CEP76: variants seen among roughly 807,000 people sequenced by gnomAD.
CEP76 encodes the protein centrosomal protein 76, also known as centrosomal protein of 76 kDa.
A neutral mutation model predicts 83.3 loss-of-function variants in CEP76; 55 were observed. The ratio of observed to expected loss-of-function variants is 0.66; its 90% CI spans 0.53 to 0.83. The LOEUF (loss-of-function observed/expected upper bound fraction) is 0.83, where lower values mean the gene tolerates loss of function less well. CEP76 is among the 40% of genes least tolerant of loss of function. The pLI, the probability that CEP76 is intolerant of heterozygous loss-of-function variation, is 0.00. For missense variants in CEP76, 694 were observed against 799.5 expected, an observed-to-expected ratio of 0.87 and a Z score of 1.59; for synonymous variants, 270 against 274.5, an observed-to-expected ratio of 0.98 and a Z score of 0.16.
chr18:12,678,071 A>G, intron 10 of CEP76, 38 bp downstream of exon 10: 1 of 1,516,676 alleles, frequency 6.6e-7, no homozygotes, highest in Non-Finnish European at 9.1e-7. Context: ...CATAAATGAA[A>G]AGAAGTATGA....
intron 12 of CEP76, chr18:12,664,954 C>T (rs2038775007): frequency 6.6e-6 from 1 of 152,184 alleles, no homozygotes; most frequent in Non-Finnish European, 1.5e-5. Flanking sequence ...CCACCTCAGC[C>T]TCCCAGAGTG....
rs563059756 is a variant in CEP76 at position 12,680,700 on chromosome 18, A to T, written c.1251T>A (p.Asp417Glu). 4 of 1,613,268 alleles carry T rather than the reference A, an allele frequency of 2.5e-6. No homozygotes were observed. In the East Asian group the frequency reaches 8.9e-5, roughly 36 times the overall value. ...AACTCTCCCAAAAAGTGATGGCCCC[A>T]TCAGTTCCACAAGTCATAACCCATG... ...PHAWVMTCGT[D>E]GAITFWESLT... Residue 417 changes from aspartate (D) to glutamate (E), a missense_variant, in exon 9 of 12, where the codon GAT becomes GAA. Coordinates refer to ENST00000262127, the MANE Select transcript of CEP76 (RefSeq NM_024899.4).
intron 12 of CEP76, among the ~76,000 whole-genome samples, chr18:12,662,504 G>T (rs1240382399): frequency 6.6e-6 from 1 of 152,230 alleles, no homozygotes; most frequent in African/African-American, 2.4e-5. Context: ...GCCCGGCCAT[G>T]GGGGCTCACA....
At chr18:12,672,174 G>A (rs1260213023), downstream of CEP76, among the ~76,000 whole-genome samples, 1 of 150,168 alleles carries the variant, frequency 6.7e-6, no homozygotes, top group Non-Finnish European at 1.5e-5. Flanking sequence ...GAGTGCAGTG[G>A]CGCGATCTCA....
chr18:12,701,099 A>G lies in CEP76; in HGVS notation c.78T>C (p.Gly26=). ...TCTCAGCAAGGATTTCTCTTATTCTACCATGGACATCCATCTATGTAGAAA... is the reference window on the plus strand; with the variant it reads ...TCTCAGCAAGGATTTCTCTTATTCTGCCATGGACATCCATCTATGTAGAAA... ...HQQLSKMDVH[G]RIREILAETI... The change falls in exon 2 of 12, where the codon GGT becomes GGC. Residue 26 remains glycine (G), a synonymous_variant. Transcript: ENST00000262127. The G allele has an allele frequency of 6.2e-7, 1 of 1,612,062 alleles. No individual in the cohort carries two copies. Among genetic ancestry groups the G allele is most frequent in the South Asian group, 1.1e-5 (1 of 90,676 alleles).
At chr18:12,670,179 A>C (rs1035076358), downstream of CEP76, among the ~76,000 whole-genome samples, 1 of 151,296 alleles carries the variant, frequency 6.6e-6, no homozygotes, top group South Asian at 2.1e-4. Flanking sequence ...AATACAAAAA[A>C]ATTAGCTGGG....
intron 10 of CEP76, among the ~76,000 whole-genome samples, chr18:12,675,904 A>G (rs1005325607): frequency 4.5e-4 from 69 of 152,070 alleles, no homozygotes; most frequent in African/African-American, 1.4e-3. Context: ...CCTGACCTCA[A>G]GTGATCCACC....
intron 8 of CEP76, chr18:12,685,230 C>T (rs970531696): frequency 3.9e-5 from 6 of 152,098 alleles, no homozygotes; most frequent in Admixed American, 3.3e-4. Flanking sequence ...GAACTCCTGA[C>T]CTCAGGTGAT....
At chr18:12,691,591 C>G (rs748437020) in intron 6 of CEP76, 104 bp from the exon 7 acceptor site, 71 of 770,024 alleles carry the variant, frequency 9.2e-5, no homozygotes, top group Non-Finnish European at 1.4e-4. Flanking sequence ...CCACCCTAAT[C>G]TGAGTCATCA....
intron 1 of CEP76, 103 bp downstream of exon 1, chr18:12,702,383 A>T: frequency 1.2e-6 from 1 of 860,800 alleles, no homozygotes; most frequent in Non-Finnish European, 1.9e-6. Flanking sequence ...AATCCTCGCT[A>T]CAGTCCCGGC....
At chr18:12,690,138 ATGT>A (rs1170716411) in intron 7 of CEP76, among the ~76,000 whole-genome samples, 1 of 152,116 alleles carries the variant, frequency 6.6e-6, no homozygotes, top group Admixed American at 6.6e-5. Context: ...TGTCCTGATA[ATGT>A]TGTTACCTTG....
chr18:12,700,883 C>G (rs1209878666), intron 2 of CEP76, 75 bp downstream of exon 2: 1 of 1,249,260 alleles, frequency 8.0e-7, no homozygotes, highest in African/African-American at 1.5e-5. Flanking sequence ...GGCCCCACAT[C>G]GGAACCTTAT....
intron 8 of CEP76, chr18:12,684,816 T>G (rs974121547): frequency 1.3e-5 from 2 of 151,908 alleles, no homozygotes; most frequent in Non-Finnish European, 2.9e-5. Context: ...TATCATACTA[T>G]CAACATTTTT....
chr18:12,698,942 T>C, intron 4 of CEP76, 37 bp downstream of exon 4: 2 of 1,371,846 alleles, frequency 1.5e-6, no homozygotes, highest in Non-Finnish European at 2.0e-6. Flanking sequence ...TAACAAAGAT[T>C]TACTCAATTA....
chr18:12,688,946 C>G (rs929626063), intron 7 of CEP76, among the ~76,000 whole-genome samples: 4 of 152,114 alleles, frequency 2.6e-5, no homozygotes, highest in African/African-American at 9.7e-5. Flanking sequence ...AACCCCATCT[C>G]TACTAAAAAC....
chr18:12,675,077 T>TATATTTTGAG (rs71174126), intron 10 of CEP76, among the ~76,000 whole-genome samples: 54,676 of 151,500 alleles, frequency 0.36, 10,405 homozygotes, highest in Non-Finnish European at 0.44. Context: ...GTATAATTCT[T>TATATTTTGAG]ATATTTTGAG....
intron 7 of CEP76, among the ~76,000 whole-genome samples, chr18:12,687,454 ATTTT>A (rs1259960536): frequency 1.4e-5 from 2 of 140,728 alleles, no homozygotes; most frequent in South Asian, 2.2e-4. Flanking sequence ...GAAGGCATCA[ATTTT>A]TTTTTTTTTT....
At chr18:12,699,271 G>T in intron 3 of CEP76, 68 bp from the exon 4 acceptor site, 1 of 1,140,682 alleles carries the variant, frequency 8.8e-7, no homozygotes, top group East Asian at 2.4e-5. Context: ...CAAGACATTA[G>T]GAAATAAAAA....
downstream of CEP76, among the ~76,000 whole-genome samples, chr18:12,671,928 C>A (rs556257823): frequency 6.6e-6 from 1 of 152,206 alleles, no homozygotes; most frequent in African/African-American, 2.4e-5. Context: ...TCAAGCGATT[C>A]TCCTGCCTCA....
Sources: allele counts gnomAD v4.1 joint callset (sites outside exome capture counted in the v4.1 genomes callset), GRCh38; gene constraint gnomAD v4.1.1; transcripts MANE v1.5; gene names NCBI Gene and HGNC (gene_info 2026-07-23, HGNC 2026-07-21).